TMEM230: variants seen among roughly 807,000 people sequenced by gnomAD.
The protein encoded by TMEM230 is UPF0414 transmembrane protein C20orf30.
A neutral mutation model predicts 15.8 loss-of-function variants in TMEM230; 10 were observed. The ratio of observed to expected loss-of-function variants is 0.63; its 90% CI spans 0.39 to 1.07. The LOEUF (loss-of-function observed/expected upper bound fraction) is 1.07. Ranked by LOEUF, TMEM230 falls within the 50% of genes least tolerant of loss-of-function variation. The pLI is 0.01. For synonymous variants in TMEM230, 67 were observed against 76.9 expected, an observed-to-expected ratio of 0.87 and a Z score of 0.68; for missense variants, 165 against 193.3, an observed-to-expected ratio of 0.85 and a Z score of 0.87.
chr20:5,061,214 G>A, the TMEM230 span: 1 of 152,144 alleles, frequency 6.6e-6, no homozygotes, highest in East Asian at 1.9e-4. Flanking sequence ...ACATAGACTT[G>A]TAGGGCAAAG....
downstream of TMEM230, among the ~76,000 whole-genome samples, chr20:5,099,351 T>C (rs1423232816): frequency 6.6e-6 from 1 of 152,138 alleles, no homozygotes; most frequent in Non-Finnish European, 1.5e-5. Flanking sequence ...ACCTCACATA[T>C]TCACTGTCAA....
chr20:5,094,167 C>T (rs1415001011), intron 3 of TMEM230, among the ~76,000 whole-genome samples: 2 of 150,746 alleles, frequency 1.3e-5, no homozygotes, highest in African/African-American at 4.9e-5. Context: ...CCATGGTGCT[C>T]AGGCTGGTCT....
At position 5,077,649 on chromosome 20, in the gene TMEM230, T is replaced by C. The variant is rs148008511; in HGVS notation, c.223-8300A>G. Among the ~76,000 whole-genome samples, 387 of 152,018 alleles carry C rather than the reference T, an allele frequency of 2.5e-3. 3 individuals are homozygous for C. Among genetic ancestry groups the C allele is most frequent in the African/African-American group, 9.0e-3 (372 of 41,472 alleles). On this transcript the variant is annotated intron_variant, in intron 3 of 3. Coordinates refer to the TMEM230 transcript ENST00000612323. ...AGGAGTTCAAGACCAGCTTGACCAA[T>C]ATGGTGAAACTCCATCTCTACTGAA... is the stretch of plus-strand genomic sequence containing the variant.
intron 3 of TMEM230, among the ~76,000 whole-genome samples, chr20:5,070,051 A>G (rs1279863552): frequency 6.6e-6 from 1 of 152,108 alleles, no homozygotes; most frequent in African/African-American, 2.4e-5. Context: ...TAGTGACTTA[A>G]GAGTGGAAGG....
At chr20:5,092,426 G>A (rs1408649566) in intron 3 of TMEM230, among the ~76,000 whole-genome samples, 1 of 152,068 alleles carries the variant, frequency 6.6e-6, no homozygotes, top group Non-Finnish European at 1.5e-5. Flanking sequence ...CACACGTTAA[G>A]AGAAAGGCAG....
chr20:5,060,782 G>T, the TMEM230 span, among the ~76,000 whole-genome samples: 2 of 151,982 alleles, frequency 1.3e-5, no homozygotes, highest in Non-Finnish European at 2.9e-5. Flanking sequence ...TCCTTTTGGG[G>T]GACATTTGAG....
chr20:5,112,948 A>G lies in TMEM230; in HGVS notation c.68+13T>C, dbSNP rs2090387930. The G allele has an allele frequency of 1.9e-6, 3 of 1,549,956 alleles. No homozygotes were observed. The highest frequency in any genetic ancestry group is 1.2e-5 in the South Asian group (1 of 84,066). On this transcript the variant is annotated intron_variant, in intron 1 of 4. Transcript: ENST00000342308. ...GACGGTTCTGTCCCCGCCCTGCCGC[A>G]CACACGCCTTACCGGAGCGCCGCGC...
chr20:5,093,161 T>TA (rs2089557377), intron 3 of TMEM230, among the ~76,000 whole-genome samples: 1 of 152,078 alleles, frequency 6.6e-6, no homozygotes, highest in South Asian at 2.1e-4. Flanking sequence ...CGTTAACATA[T>TA]AAAAATCAGT....
rs950918929 is a variant in TMEM230 at position 5,109,441 on chromosome 20, C to T, written c.179G>A (p.Cys60Tyr). ...ACGGGACGGCATCATAACACGCTGA[C>T]ACAGCTACAGTTTAAAAACAAAAAA... Residue 60 changes from cysteine (C) to tyrosine (Y), a missense_variant, in exon 3 of 5, where the codon TGT (cysteine) becomes TAT (tyrosine). Coordinates refer to ENST00000342308, the MANE Select transcript of TMEM230 (RefSeq NM_001009923.2). 1.2e-6 allele frequency: 2 copies of T among 1,613,160 alleles called. No individual in the cohort carries two copies. Among genetic ancestry groups the T allele is most frequent in the Non-Finnish European group, 1.7e-6 (2 of 1,179,474 alleles).
the TMEM230 span, among the ~76,000 whole-genome samples, chr20:5,062,033 C>T: frequency 2.5e-4 from 38 of 152,032 alleles, no homozygotes; most frequent in Non-Finnish European, 4.4e-4. Context: ...ACAGCCTGGC[C>T]AACATGGTGA....
chr20:5,099,228 AAATAAATCAATC>A (rs1366396342), downstream of TMEM230, among the ~76,000 whole-genome samples: 1,050 of 91,276 alleles, frequency 0.012, 19 homozygotes, highest in African/African-American at 0.052. Flanking sequence ...ATAAATAAAT[AAATAAATCAATC>A]AATCAATAAT....
At chr20:5,106,949 C>T (rs2090118011) in intron 3 of TMEM230, among the ~76,000 whole-genome samples, 1 of 152,078 alleles carries the variant, frequency 6.6e-6, no homozygotes, top group Non-Finnish European at 1.5e-5. Flanking sequence ...TCAAGGGAGT[C>T]CTTCCACCTC....
Position 5,100,946 on chromosome 20 carries a change from AG to A in TMEM230, c.412-16del, listed in dbSNP as rs2089832978. The A allele has an allele frequency of 6.2e-7, 1 of 1,613,964 alleles. No individual in the cohort carries two copies. The highest frequency in any genetic ancestry group is 8.5e-7 in the Non-Finnish European group (1 of 1,179,910). On this transcript the variant is annotated splice_polypyrimidine_tract_variant and intron_variant, in intron 4 of 4. Coordinates refer to ENST00000342308, the MANE Select transcript of TMEM230 (RefSeq NM_001009923.2). ...CGGTCTGCCCCCTGGTGGCAGAAGGAGGCAAACACATTAGTACCGTAAGAGT... is the reference window on the plus strand; with the variant it reads ...CGGTCTGCCCCCTGGTGGCAGAAGGAGCAAACACATTAGTACCGTAAGAGT...
In TMEM230 at chr20:5,100,199, G is replaced by A; in HGVS notation, c.*592C>T. 1.0e-6 allele frequency: 1 copy of A among 985,486 alleles called. No homozygotes were observed. Among genetic ancestry groups the A allele is most frequent in the Non-Finnish European group, 1.2e-6 (1 of 829,998 alleles). The allele number at this position is 985,486 out of a possible 1,614,324, so 61.0% of individuals were successfully genotyped here. A position where few individuals can be genotyped will look rare whatever the true frequency, so the allele number is the denominator to read the frequency against. ...GGTGAACTGGATCAGAATGGTCCAA[G>A]GACTGTTAAACAGAGGAAGTATTTA... On this transcript the variant is annotated 3_prime_UTR_variant, in exon 5 of 5. Transcript: ENST00000342308.
At chr20:5,070,406 T>A (rs2088784925) in intron 3 of TMEM230, among the ~76,000 whole-genome samples, 1 of 152,110 alleles carries the variant, frequency 6.6e-6, no homozygotes, top group African/African-American at 2.4e-5. Context: ...CGCAGAACCA[T>A]AAGACACAAA....
chr20:5,073,678 C>T (rs761854879), intron 3 of TMEM230, among the ~76,000 whole-genome samples: 4 of 152,226 alleles, frequency 2.6e-5, no homozygotes, highest in African/African-American at 4.8e-5. Flanking sequence ...GACTGAACAA[C>T]GGCTTCCTCT....
chr20:5,109,290 A>T (rs376305538), intron 3 of TMEM230, 42 bp downstream of exon 2: 31 of 1,523,144 alleles, frequency 2.0e-5, no homozygotes, highest in Admixed American at 5.3e-5. Context: ...AACTTAACAG[A>T]AACACAGCCA....
At chr20:5,069,405 C>T (rs1313653958) in intron 3 of TMEM230, 5 of 1,475,482 alleles carry the variant, frequency 3.4e-6, no homozygotes, top group African/African-American at 1.4e-5. Context: ...CTTCAACCCT[C>T]AAAAAATCCT....
At chr20:5,065,529 GGGAGAAGT>G (rs1450748205), downstream of TMEM230, among the ~76,000 whole-genome samples, 58 of 152,222 alleles carry the variant, frequency 3.8e-4, 1 homozygote, top group Non-Finnish European at 1.8e-4. Flanking sequence ...TAGCCAGCAG[GGGAGAAGT>G]GGCTGTGAGT....
Sources: allele counts gnomAD v4.1 joint callset (sites outside exome capture counted in the v4.1 genomes callset), GRCh38; gene constraint gnomAD v4.1.1; transcripts MANE v1.5; gene names NCBI Gene and HGNC (gene_info 2026-07-23, HGNC 2026-07-21).